The following DPYSL2 variants were observed in gnomAD, a reference collection of about 807,000 sequenced individuals.
DPYSL2 encodes dihydropyrimidinase like 2.
In DPYSL2, 13 loss-of-function variants were observed where a neutral mutation model predicts 69.9. The observed-to-expected ratio is 0.19, with a 90% CI of 0.12 to 0.30. The LOEUF is 0.30. Among genes scored for constraint, DPYSL2 ranks in the 10% least tolerant of loss-of-function variants. The pLI, the probability that DPYSL2 is intolerant of heterozygous loss-of-function variation, is 1.00. For missense variants in DPYSL2, 587 were observed against 918.9 expected (o/e 0.64, Z 4.67); for synonymous variants, 326 against 359.1 (o/e 0.91, Z 1.04).
rs753525828 is a variant in DPYSL2, at chr8:26,654,278, A to G, written c.1942+881A>G. ...TAATTTGTGTGATATCCCCTTGGTG[A>G]GAGGAAAGGGTTCAGATTTTTAAGT... On this transcript the variant is annotated intron_variant, in intron 13 of 13. Coordinates refer to ENST00000521913, the MANE Select transcript of DPYSL2 (RefSeq NM_001197293.3). The surrounding 1 kb of genome is among the most constrained non-coding windows in gnomAD (Gnocchi z 5.0). Among the ~76,000 whole-genome samples, 3 of 152,218 alleles carry G rather than the reference A, an allele frequency of 2.0e-5. No individual in the cohort carries two copies. The highest frequency in any genetic ancestry group is 4.4e-5 in the Non-Finnish European group (3 of 68,048).
chr8:26,523,367 A>C (rs546268194), intron 1 of DPYSL2, among the ~76,000 whole-genome samples: 143 of 152,266 alleles, frequency 9.4e-4, no homozygotes, highest in Non-Finnish European at 1.4e-3. Context: ...TTGAGTGTAC[A>C]GTTCAGTGAC....
rs1235042795 is a variant in DPYSL2 at position 26,580,721 on chromosome 8, T to C, written c.355-1248T>C. Among the ~76,000 whole-genome samples, 1 of 152,242 alleles carries C rather than the reference T, an allele frequency of 6.6e-6. No individual in the cohort carries two copies. Among genetic ancestry groups the C allele is most frequent in the Admixed American group, 6.5e-5 (1 of 15,288 alleles). ...GTAGCACTTGCTGAGAATATTGTTT[T>C]GTAACTGAATTTTGAGTTAACTATT... On this transcript the variant is annotated intron_variant, in intron 1 of 13. Coordinates refer to ENST00000521913, the MANE Select transcript of DPYSL2 (RefSeq NM_001197293.3). This position sits in a 1 kb window ranked among gnomAD's most constrained non-coding sequence, Gnocchi z 4.1.
At chr8:26,601,799 A>AG (rs1156891163) in intron 3 of DPYSL2, among the ~76,000 whole-genome samples, 1 of 152,240 alleles carries the variant, frequency 6.6e-6, no homozygotes, top group Non-Finnish European at 1.5e-5. Context: ...CGTTTAAAAG[A>AG]CTGGGCCTGG....
Position 26,587,883 on chromosome 8 carries a change from TA to T in DPYSL2, c.628+3901del, listed in dbSNP as rs1801640184. On this transcript the variant is annotated intron_variant, in intron 3 of 13. Transcript: ENST00000521913. This position sits in a 1 kb window ranked among gnomAD's most constrained non-coding sequence, Gnocchi z 4.2. The stretch of plus-strand genomic sequence containing the variant: ...CAGCTGGGAACAGTTACCTCTATTT[TA>T]TAGAGGGGAAGACTGAGGCCGGAAG... Among the ~76,000 whole-genome samples the T allele has an allele frequency of 6.6e-6, 1 of 152,094 alleles. No homozygotes were observed. Among genetic ancestry groups the T allele is most frequent in the South Asian group, 2.1e-4 (1 of 4,832 alleles).
At chr8:26,606,055 C>T (rs1248291020) in intron 3 of DPYSL2, among the ~76,000 whole-genome samples, 1 of 152,066 alleles carries the variant, frequency 6.6e-6, no homozygotes, top group Admixed American at 6.5e-5. Flanking sequence ...TTAAAACAAA[C>T]TGTAAAAATA....
Position 26,644,145 on chromosome 8 carries a change from CAT to C in DPYSL2, c.1425+55_1425+56del. 1 of 1,587,738 alleles carries C rather than the reference CAT, an allele frequency of 6.3e-7. No individual in the cohort carries two copies. The highest frequency in any genetic ancestry group is 8.6e-7 in the Non-Finnish European group (1 of 1,165,378). On this transcript the variant is annotated intron_variant, in intron 10 of 13. Coordinates refer to ENST00000521913, the MANE Select transcript of DPYSL2 (RefSeq NM_001197293.3). The surrounding 1 kb of genome is among the most constrained non-coding windows in gnomAD (Gnocchi z 4.5). ...GGCTCTCAGCCTTCCTTGTCCTCCT[CAT>C]CTGGGGGCCATGGGGCTCATGGAGG...
At chr8:26,522,687 T>A (rs1808408190) in intron 1 of DPYSL2, among the ~76,000 whole-genome samples, 1 of 152,222 alleles carries the variant, frequency 6.6e-6, no homozygotes, top group Non-Finnish European at 1.5e-5. Context: ...ACATTTTTTT[T>A]AGCTGGGTTA....
intron 3 of DPYSL2, among the ~76,000 whole-genome samples, chr8:26,612,097 C>T (rs181199230): frequency 1.3e-5 from 2 of 152,344 alleles, no homozygotes; most frequent in East Asian, 3.9e-4. Context: ...AGGACTCAGT[C>T]CCCCAGTTGG....
chr8:26,645,272 G>A (rs1471716394), intron 10 of DPYSL2, among the ~76,000 whole-genome samples: 2 of 152,034 alleles, frequency 1.3e-5, no homozygotes, highest in Non-Finnish European at 2.9e-5. Flanking sequence ...GGTGGCAGGT[G>A]CCTGTAGTCC....
chr8:26,570,852 C>T lies in DPYSL2; in HGVS notation c.355-11117C>T, dbSNP rs181643779. Among the ~76,000 whole-genome samples, 1,037 of 151,906 alleles carry T rather than the reference C, an allele frequency of 6.8e-3. 9 individuals carry two copies. The highest frequency in any genetic ancestry group is 0.036 in the South Asian group (174 of 4,804). ...AGGTTTCTTTGTGCTTTTCTCTCCT[C>T]GTCTATAAAATGAGGATCTGAAGAT... On this transcript the variant is annotated intron_variant, in intron 1 of 13. Transcript: ENST00000521913.
At chr8:26,606,315 C>T (rs769391215) in intron 3 of DPYSL2, among the ~76,000 whole-genome samples, 1 of 151,996 alleles carries the variant, frequency 6.6e-6, no homozygotes, top group Non-Finnish European at 1.5e-5. Flanking sequence ...TAAAGAATTA[C>T]ATTTAAACAG....
intron 1 of DPYSL2, among the ~76,000 whole-genome samples, chr8:26,519,692 T>C (rs961903302): frequency 3.9e-5 from 6 of 152,142 alleles, no homozygotes; most frequent in Admixed American, 2.6e-4. Flanking sequence ...TTTCCTAATC[T>C]AGTATCGTAT....
intron 13 of DPYSL2, 148 bp from the exon 14 acceptor site, chr8:26,655,467 G>A: frequency 1.7e-6 from 1 of 600,324 alleles, no homozygotes; most frequent in Non-Finnish European, 2.7e-6. Flanking sequence ...TAGCACTTTG[G>A]TCTGGAAAAC....
At chr8:26,528,237 T>A (rs1808513012) in intron 1 of DPYSL2, among the ~76,000 whole-genome samples, 1 of 152,062 alleles carries the variant, frequency 6.6e-6, no homozygotes, top group South Asian at 2.1e-4. Context: ...TTTCCAGGAG[T>A]TGTGACTTCT....
At chr8:26,544,528 A>G (rs1800734678) in intron 1 of DPYSL2, among the ~76,000 whole-genome samples, 1 of 152,232 alleles carries the variant, frequency 6.6e-6, no homozygotes, top group South Asian at 2.1e-4. Flanking sequence ...TTCGTCTACT[A>G]TATACACAGT....
At chr8:26,539,000 C>T (rs921619419) in intron 1 of DPYSL2, among the ~76,000 whole-genome samples, 1 of 152,340 alleles carries the variant, frequency 6.6e-6, no homozygotes, top group East Asian at 1.9e-4. Context: ...CATCCCTCCC[C>T]CTTCTAGTAG....
intron 1 of DPYSL2, among the ~76,000 whole-genome samples, chr8:26,543,842 T>C (rs1384730175): frequency 1.3e-5 from 2 of 152,158 alleles, no homozygotes; most frequent in African/African-American, 4.8e-5. Flanking sequence ...ATTTAAAAGA[T>C]ACTTTCAGGC....
intron 1 of DPYSL2, chr8:26,577,184 C>T: frequency 4.5e-6 from 2 of 445,522 alleles, no homozygotes; most frequent in South Asian, 3.1e-5. Flanking sequence ...GGCGCCTCCA[C>T]GCGGGCCAGA....
At chr8:26,524,176 T>C (rs1442687447) in intron 1 of DPYSL2, among the ~76,000 whole-genome samples, 3 of 152,230 alleles carry the variant, frequency 2.0e-5, no homozygotes, top group Non-Finnish European at 2.9e-5. Flanking sequence ...TCCTCGCCTA[T>C]ACTTATTTTT....
Sources: gnomAD v4.1 joint callset for allele counts (sites outside exome capture counted in the v4.1 genomes callset) on GRCh38, gnomAD v4.1.1 for gene constraint, Gnocchi (gnomAD v3.1) non-coding constraint, MANE v1.5 for transcripts, NCBI Gene and HGNC (gene_info 2026-07-23, HGNC 2026-07-21) for gene names.